MB21D2: variants seen among roughly 807,000 people sequenced by gnomAD.
MB21D2 encodes the protein nucleotidyltransferase MB21D2.
A neutral mutation model predicts 33.3 loss-of-function variants in MB21D2; 9 were observed. The ratio of observed to expected loss-of-function variants is 0.27; its 90% CI spans 0.16 to 0.47. MB21D2 has a LOEUF of 0.47. Among genes scored for constraint, MB21D2 ranks in the 20% least tolerant of loss-of-function variants. The pLI, the probability that MB21D2 is intolerant of heterozygous loss-of-function variation, is 0.99. For missense variants in MB21D2, 540 were observed against 624.6 expected (o/e 0.86, Z 1.44); for synonymous variants, 241 against 236.3 (o/e 1.02, Z -0.18).
intron 1 of MB21D2, among the ~76,000 whole-genome samples, chr3:192,902,531 G>A (rs1714124873): frequency 6.6e-6 from 1 of 152,200 alleles, no homozygotes; most frequent in South Asian, 2.1e-4. Flanking sequence ...GTGAGGAAGA[G>A]TTTCTCAATT....
At chr3:192,823,774 C>G (rs1712109671) in intron 1 of MB21D2, among the ~76,000 whole-genome samples, 1 of 152,060 alleles carries the variant, frequency 6.6e-6, no homozygotes. Flanking sequence ...ATTTAGAACT[C>G]CAGTACTCAT....
intron 1 of MB21D2, among the ~76,000 whole-genome samples, chr3:192,889,716 A>T (rs1713809167): frequency 6.6e-6 from 1 of 152,076 alleles, no homozygotes; most frequent in Non-Finnish European, 1.5e-5. Flanking sequence ...AACAAGAAAA[A>T]TCCATGTATG....
Position 192,836,110 on chromosome 3 carries a change from T to C in MB21D2, c.212-36460A>G, listed in dbSNP as rs550206312. Among the ~76,000 whole-genome samples the C allele has an allele frequency of 3.9e-5, 6 of 152,322 alleles. No individual in the cohort carries two copies. The South Asian group carries it at 1.0e-3, about 26-fold the overall frequency. On this transcript the variant is annotated intron_variant, in intron 1 of 1. Coordinates refer to ENST00000392452, the MANE Select transcript of MB21D2 (RefSeq NM_178496.4). The stretch of plus-strand genomic sequence containing the variant: ...AAATCAAGAGATCTAATTATAGACA[T>C]AGCTGTATCCCTCCCTGGACCTCAG...
intron 1 of MB21D2, among the ~76,000 whole-genome samples, chr3:192,860,940 G>A (rs1713028824): frequency 1.3e-5 from 2 of 152,188 alleles, no homozygotes; most frequent in East Asian, 3.8e-4. Flanking sequence ...GATTTCTGAA[G>A]TGCTAGAGTA....
intron 1 of MB21D2, among the ~76,000 whole-genome samples, chr3:192,866,451 CATTTAATTA>C (rs1356281417): frequency 1.3e-5 from 2 of 152,164 alleles, no homozygotes; most frequent in Non-Finnish European, 2.9e-5. Flanking sequence ...AAGAATGTTA[CATTTAATTA>C]ATTTATTCAC....
chr3:192,800,823 T>A (rs188556008), intron 1 of MB21D2, among the ~76,000 whole-genome samples: 4 of 152,346 alleles, frequency 2.6e-5, no homozygotes, highest in Admixed American at 2.6e-4. Context: ...GGGTATTTGG[T>A]AGACATTTTC....
intron 1 of MB21D2, among the ~76,000 whole-genome samples, chr3:192,870,699 GAA>G (rs57320648): frequency 0.035 from 1,473 of 41,570 alleles, 49 homozygotes; most frequent in African/African-American, 0.15. Context: ...CGACTCCGTT[GAA>G]AAAAAAAAAA....
intron 1 of MB21D2, among the ~76,000 whole-genome samples, chr3:192,863,173 T>G (rs912776847): frequency 6.6e-6 from 1 of 151,896 alleles, no homozygotes; most frequent in South Asian, 2.1e-4. Flanking sequence ...ACACCAAGGG[T>G]TGCCAAGCAG....
intron 1 of MB21D2, among the ~76,000 whole-genome samples, chr3:192,913,636 C>G (rs1714401099): frequency 6.7e-6 from 1 of 150,320 alleles, no homozygotes; most frequent in Admixed American, 6.6e-5. Flanking sequence ...CCAGCCTGGG[C>G]AACATAGTGA....
chr3:192,882,952 C>T (rs763839485), intron 1 of MB21D2, among the ~76,000 whole-genome samples: 6 of 152,064 alleles, frequency 3.9e-5, no homozygotes, highest in Admixed American at 3.3e-4. Flanking sequence ...AGGCTGGTCT[C>T]GAACTCCTGA....
rs115305023 is a variant in MB21D2, at chr3:192,850,691, G to C, written c.212-51041C>G. ...AACCTGTCAGTGGACTGGGAGCCCC[G>C]TCCCGTCTCCCTGCGGCCTAGATCC... is the stretch of plus-strand genomic sequence containing the variant. On this transcript the variant is annotated intron_variant, in intron 1 of 1. Transcript: ENST00000392452. Among the ~76,000 whole-genome samples, 293 of 152,242 alleles carry C rather than the reference G, an allele frequency of 1.9e-3. 2 individuals are homozygous for C. Among genetic ancestry groups the C allele is most frequent in the Non-Finnish European group, 3.6e-3 (242 of 68,016 alleles).
chr3:192,836,626 G>C (rs1385193936), intron 1 of MB21D2, among the ~76,000 whole-genome samples: 5 of 152,148 alleles, frequency 3.3e-5, no homozygotes, highest in African/African-American at 1.2e-4. Context: ...AGGGGCCTCA[G>C]GAGAAACCAC....
intron 1 of MB21D2, among the ~76,000 whole-genome samples, chr3:192,848,866 A>G (rs1028065555): frequency 6.6e-6 from 1 of 152,192 alleles, no homozygotes; most frequent in African/African-American, 2.4e-5. Context: ...TCCACTATGG[A>G]AAGTGCTCGC....
chr3:192,828,452 C>T (rs974839782), intron 1 of MB21D2, among the ~76,000 whole-genome samples: 1 of 151,202 alleles, frequency 6.6e-6, no homozygotes. Context: ...GTGTCCCTGA[C>T]TCACAAGACC....
intron 1 of MB21D2, among the ~76,000 whole-genome samples, chr3:192,890,386 A>G (rs747662458): frequency 6.6e-6 from 1 of 152,058 alleles, no homozygotes; most frequent in Non-Finnish European, 1.5e-5. Flanking sequence ...ATTTGAGCAT[A>G]TCTTGGAAAC....
intron 1 of MB21D2, among the ~76,000 whole-genome samples, chr3:192,834,285 C>A (rs913436081): frequency 2.0e-5 from 3 of 151,362 alleles, no homozygotes; most frequent in Admixed American, 2.0e-4. Flanking sequence ...CCATTGCACT[C>A]CAGCCCAGAC....
intron 1 of MB21D2, among the ~76,000 whole-genome samples, chr3:192,851,434 C>T (rs1189639474): frequency 1.3e-5 from 2 of 149,266 alleles, no homozygotes; most frequent in African/African-American, 4.9e-5. Flanking sequence ...AGAGAGTGAT[C>T]AATGTGAATT....
rs750971262 is a variant in MB21D2, at chr3:192,799,390, T to C, written c.472A>G (p.Ile158Val). Residue 158 changes from isoleucine to valine, a missense_variant, in exon 2 of 2, where the codon ATC becomes GTC. By Grantham distance (29) the Ile-to-Val change is conservative (BLOSUM62 3). Coordinates refer to ENST00000392452, the MANE Select transcript of MB21D2 (RefSeq NM_178496.4). This position sits in a 1 kb window ranked among gnomAD's most constrained non-coding sequence, Gnocchi z 4.1. ...LSLRLFDEGT[I>V]SKWKDCCTIV... ...GTGCAGCAGTCTTTCCATTTACTGA[T>C]TGTCCCCTCATCAAAGAGCCGAAGG... The C allele has an allele frequency of 1.4e-5, 23 of 1,614,100 alleles. No individual in the cohort carries two copies. Among genetic ancestry groups the C allele is most frequent in the Middle Eastern group, 3.3e-4 (2 of 6,084 alleles).
chr3:192,880,621 G>T (rs187998281), intron 1 of MB21D2, among the ~76,000 whole-genome samples: 6 of 152,026 alleles, frequency 3.9e-5, no homozygotes, highest in African/African-American at 9.7e-5. Flanking sequence ...AGCAGCTGTC[G>T]GAGGGGACGG....
Sources: allele counts gnomAD v4.1 joint callset (sites outside exome capture counted in the v4.1 genomes callset), GRCh38; gene constraint gnomAD v4.1.1; non-coding constraint Gnocchi (gnomAD v3.1); transcripts MANE v1.5; gene names NCBI Gene and HGNC (gene_info 2026-07-23, HGNC 2026-07-21).